Variants in B3GALT1 observed in about 807,000 individuals in gnomAD.
B3GALT1 encodes UDP-Gal:betaGlcNAc beta 1,3-galactosyltransferase, polypeptide 1.
A neutral mutation model predicts 23.2 loss-of-function variants in B3GALT1; 10 were observed. That is an observed-to-expected ratio of 0.43 (90% CI 0.27 to 0.73). The LOEUF is 0.73. Ranked by LOEUF, B3GALT1 falls within the 30% of genes least tolerant of loss-of-function variation. The pLI, the probability that B3GALT1 is intolerant of heterozygous loss-of-function variation, is 0.21. For missense variants in B3GALT1, 299 were observed against 405.4 expected (o/e 0.74, Z 2.25); for synonymous variants, 156 against 141.5 (o/e 1.10, Z -0.73).
intron 1 of B3GALT1, among the ~76,000 whole-genome samples, chr2:167,442,574 A>AC (rs1383121938): frequency 6.6e-6 from 1 of 151,628 alleles, no homozygotes; most frequent in Non-Finnish European, 1.5e-5. Flanking sequence ...TGCCATTCTA[A>AC]CTGGTGTCAG....
chr2:167,675,573 A>G (rs1459556177), intron 3 of B3GALT1, among the ~76,000 whole-genome samples: 1 of 152,156 alleles, frequency 6.6e-6, no homozygotes, highest in Non-Finnish European at 1.5e-5. Flanking sequence ...GATACAGGTG[A>G]TTGGAATGGG....
chr2:167,394,158 C>T (rs1224040808), intron 1 of B3GALT1, among the ~76,000 whole-genome samples: 1 of 152,146 alleles, frequency 6.6e-6, no homozygotes, highest in African/African-American at 2.4e-5. Flanking sequence ...GTCCATCCAC[C>T]TCTGAGTTAT....
intron 3 of B3GALT1, among the ~76,000 whole-genome samples, chr2:167,660,041 G>A (rs1049258196): frequency 1.3e-5 from 2 of 151,978 alleles, no homozygotes; most frequent in African/African-American, 4.8e-5. Flanking sequence ...AAAACTCTTC[G>A]TATCACTGCC....
At chr2:167,868,489 TAAAAAA>T (rs71397619) in intron 4 of B3GALT1, among the ~76,000 whole-genome samples, 4 of 141,840 alleles carry the variant, frequency 2.8e-5, no homozygotes, top group African/African-American at 1.0e-4. Flanking sequence ...ATGTCACTGT[TAAAAAA>T]AAAAAAAAAA....
At chr2:167,779,127 T>A (rs1398578021) in intron 3 of B3GALT1, among the ~76,000 whole-genome samples, 2 of 152,248 alleles carry the variant, frequency 1.3e-5, no homozygotes, top group Admixed American at 6.5e-5. Context: ...TAGAAATACA[T>A]CTTTCTTTCA....
chr2:167,614,139 A>G (rs914050393), intron 2 of B3GALT1, among the ~76,000 whole-genome samples: 2 of 151,834 alleles, frequency 1.3e-5, no homozygotes, highest in African/African-American at 2.4e-5. Flanking sequence ...CATAATGTGT[A>G]TGACACCTAA....
Position 167,347,924 on chromosome 2 carries a change from T to C in B3GALT1, c.-511+54590T>C, listed in dbSNP as rs1420616564. On this transcript the variant is annotated intron_variant, in intron 1 of 4. Transcript: ENST00000392690. ...AGCATCAAGTTTACCTTTAGAAATA[T>C]TAGTTTGGTGTTTAGGTTAGTAGAA... 2.6e-5 allele frequency among the ~76,000 whole-genome samples: 4 copies of C among 152,176 alleles called. No homozygotes were observed. The South Asian group carries it at 8.3e-4, about 31-fold the overall frequency.
intron 2 of B3GALT1, among the ~76,000 whole-genome samples, chr2:167,527,586 ACC>A (rs1683243408): frequency 6.6e-6 from 1 of 152,158 alleles, no homozygotes; most frequent in Non-Finnish European, 1.5e-5. Context: ...TTTTCACAAA[ACC>A]ATAAATAATA....
intron 3 of B3GALT1, among the ~76,000 whole-genome samples, chr2:167,702,698 G>A (rs1686899215): frequency 6.6e-6 from 1 of 152,132 alleles, no homozygotes; most frequent in Admixed American, 6.6e-5. Context: ...ATTCCCTGAA[G>A]TACATTATAA....
At chr2:167,638,410 C>G (rs1189561221) in intron 2 of B3GALT1, among the ~76,000 whole-genome samples, 1 of 152,028 alleles carries the variant, frequency 6.6e-6, no homozygotes, top group Non-Finnish European at 1.5e-5. Flanking sequence ...TTGTTTAAAG[C>G]AAGCTTTAAT....
rs1236556011 is a variant in B3GALT1 at position 167,732,827 on chromosome 2, C to T, written c.-351-85845C>T. On this transcript the variant is annotated intron_variant, in intron 3 of 4. Transcript: ENST00000392690. ...AATTAAATGGAAGGAAAAAGAAGAG[C>T]AAAGAATATTCTTTTGATGACTTAG... is the stretch of plus-strand genomic sequence containing the variant. Among the ~76,000 whole-genome samples the T allele has an allele frequency of 2.6e-5, 4 of 152,292 alleles. No homozygotes were observed. In the South Asian group the frequency reaches 8.3e-4, roughly 32 times the overall value.
At chr2:167,696,576 A>G (rs1471051560) in intron 3 of B3GALT1, among the ~76,000 whole-genome samples, 4 of 152,152 alleles carry the variant, frequency 2.6e-5, no homozygotes, top group Non-Finnish European at 5.9e-5. Flanking sequence ...CTCTCTCTCC[A>G]ATTAAGAACA....
chr2:167,805,181 T>G, intron 3 of B3GALT1, among the ~76,000 whole-genome samples: 1 of 152,224 alleles, frequency 6.6e-6, no homozygotes, highest in East Asian at 1.9e-4. Context: ...GCTGTTTGTT[T>G]TTTCCTTGTA....
chr2:167,396,585 TG>T (rs1698102450), intron 1 of B3GALT1, among the ~76,000 whole-genome samples: 1 of 150,342 alleles, frequency 6.7e-6, no homozygotes, highest in African/African-American at 2.4e-5. Context: ...AACATTTGGA[TG>T]GAAAGGTTTA....
At chr2:167,400,166 C>CTGTG (rs149993955) in intron 1 of B3GALT1, among the ~76,000 whole-genome samples, 4,289 of 145,770 alleles carry the variant, frequency 0.029, 187 homozygotes, top group African/African-American at 0.098. Context: ...ACATCTATGT[C>CTGTG]TGTGTGTGTG....
At chr2:167,435,993 A>G (rs202191801) in intron 1 of B3GALT1, among the ~76,000 whole-genome samples, 10,609 of 122,754 alleles carry the variant, frequency 0.086, 922 homozygotes, top group African/African-American at 0.29. Flanking sequence ...GCACACACAC[A>G]CACGCACTAG....
At chr2:167,547,454 T>G (rs1428245619) in intron 2 of B3GALT1, among the ~76,000 whole-genome samples, 1 of 151,990 alleles carries the variant, frequency 6.6e-6, no homozygotes, top group African/African-American at 2.4e-5. Context: ...TCCAGCACTT[T>G]GGGAGGTCAA....
At chr2:167,584,556 G>A (rs1323741635) in intron 2 of B3GALT1, among the ~76,000 whole-genome samples, 1 of 152,160 alleles carries the variant, frequency 6.6e-6, no homozygotes, top group African/African-American at 2.4e-5. Context: ...TCTGGAGATA[G>A]CATCAGTTCC....
intron 1 of B3GALT1, among the ~76,000 whole-genome samples, chr2:167,408,912 G>A (rs1009313013): frequency 1.3e-5 from 2 of 151,984 alleles, no homozygotes; most frequent in African/African-American, 2.4e-5. Context: ...TCATGGGTTG[G>A]AAGAATTAAT....
Sources: gnomAD v4.1 joint callset for allele counts (sites outside exome capture counted in the v4.1 genomes callset) on GRCh38, gnomAD v4.1.1 for gene constraint, MANE v1.5 for transcripts, NCBI Gene and HGNC (gene_info 2026-07-23, HGNC 2026-07-21) for gene names.